LRFN5: variants seen among roughly 807,000 people sequenced by gnomAD.
The protein encoded by LRFN5 is leucine rich repeat and fibronectin type III domain containing 5, also known as leucine-rich repeat and fibronectin type-III domain-containing protein 5.
In LRFN5, 24 loss-of-function variants were observed where a neutral mutation model predicts 45.6. That is an observed-to-expected ratio of 0.53 (90% CI 0.38 to 0.74). LRFN5 has a LOEUF of 0.74. LRFN5 is among the 30% of genes least tolerant of loss of function. The pLI, the probability that LRFN5 is intolerant of heterozygous loss-of-function variation, is 0.00. For missense variants in LRFN5, 776 were observed against 861.5 expected, an observed-to-expected ratio of 0.90 and a Z score of 1.24; for synonymous variants, 340 against 313.8, an observed-to-expected ratio of 1.08 and a Z score of -0.88.
Position 41,874,280 on chromosome 14 carries a change from G to T in LRFN5, c.-20-12326G>T, listed in dbSNP as rs557511988. Among the ~76,000 whole-genome samples the T allele has an allele frequency of 3.3e-5, 5 of 152,232 alleles. No individual in the cohort carries two copies. The South Asian group carries it at 1.0e-3, about 32-fold the overall frequency. On this transcript the variant is annotated intron_variant, in intron 2 of 5. Transcript: ENST00000298119. ...GAACTGGGGCATTAAATTCAGGTTG[G>T]AATCTTAGATACCTAATAATGTTTT...
intron 2 of LRFN5, among the ~76,000 whole-genome samples, chr14:41,813,215 A>AT (rs1231936151): frequency 6.6e-6 from 1 of 152,098 alleles, no homozygotes; most frequent in African/African-American, 2.4e-5. Flanking sequence ...TTTTTATTAC[A>AT]GTTTAAGTTC....
rs556956615 is a variant in LRFN5, at chr14:41,760,744, CAG to C, written c.-196-6109_-196-6108del. On this transcript the variant is annotated intron_variant, in intron 1 of 5. Transcript: ENST00000298119. Reference sequence around the variant, plus strand: ...AGGGATAGAGAGAAGAAAGAGGAAACAGGGAGGGACGGGACACAGAAGAGGGG... The same window carrying C: ...AGGGATAGAGAGAAGAAAGAGGAAACGGAGGGACGGGACACAGAAGAGGGG... Among the ~76,000 whole-genome samples, 88 of 150,854 alleles carry C rather than the reference CAG, an allele frequency of 5.8e-4. 1 individual carries two copies. The highest frequency in any genetic ancestry group is 2.0e-3 in the African/African-American group (81 of 41,064).
chr14:41,813,606 A>G (rs559652895), intron 2 of LRFN5, among the ~76,000 whole-genome samples: 33 of 152,194 alleles, frequency 2.2e-4, no homozygotes, highest in Non-Finnish European at 3.1e-4. Context: ...TGGACATTTA[A>G]GTTGGTTCCA....
chr14:41,772,979 A>G (rs374904868), intron 2 of LRFN5, among the ~76,000 whole-genome samples: 1 of 152,192 alleles, frequency 6.6e-6, no homozygotes, highest in South Asian at 2.1e-4. Context: ...TATTTACAAT[A>G]CCCAGCGATG....
At chr14:41,817,289 CTG>C (rs1001793705) in intron 2 of LRFN5, among the ~76,000 whole-genome samples, 1 of 152,102 alleles carries the variant, frequency 6.6e-6, no homozygotes, top group Non-Finnish European at 1.5e-5. Context: ...GCTGCTTGCT[CTG>C]TCTCTTCATA....
At chr14:41,799,216 A>C (rs898961727) in intron 2 of LRFN5, among the ~76,000 whole-genome samples, 1 of 152,024 alleles carries the variant, frequency 6.6e-6, no homozygotes, top group Non-Finnish European at 1.5e-5. Context: ...ACGTCAGAAT[A>C]TGAAGACCTT....
intron 2 of LRFN5, among the ~76,000 whole-genome samples, chr14:41,819,172 T>C (rs1888026645): frequency 6.6e-6 from 1 of 152,184 alleles, no homozygotes; most frequent in Non-Finnish European, 1.5e-5. Context: ...CTATAGTAAA[T>C]AGTGCTGTGA....
intron 1 of LRFN5, among the ~76,000 whole-genome samples, chr14:41,614,560 T>G (rs1887868935): frequency 6.6e-6 from 1 of 152,084 alleles, no homozygotes. Context: ...TCTATTTTGA[T>G]GTTCTACGCT....
intron 1 of LRFN5, among the ~76,000 whole-genome samples, chr14:41,696,305 A>G (rs773778259): frequency 1.2e-4 from 19 of 152,116 alleles, no homozygotes; most frequent in Non-Finnish European, 1.9e-4. Flanking sequence ...TGTTGAAATG[A>G]CAGTGGATAC....
chr14:41,737,511 G>C (rs568795738), intron 1 of LRFN5, among the ~76,000 whole-genome samples: 2 of 152,196 alleles, frequency 1.3e-5, no homozygotes, highest in East Asian at 3.9e-4. Flanking sequence ...GGGCAGTCGG[G>C]CAAGAGAAAG....
chr14:41,689,509 A>C (rs907924610), intron 1 of LRFN5, among the ~76,000 whole-genome samples: 1 of 152,186 alleles, frequency 6.6e-6, no homozygotes, highest in Non-Finnish European at 1.5e-5. Context: ...GAAATAAATA[A>C]ATTCCTAGAA....
intron 4 of LRFN5, among the ~76,000 whole-genome samples, chr14:41,898,579 TGTGA>T (rs1371963872): frequency 2.6e-5 from 4 of 152,064 alleles, no homozygotes; most frequent in Non-Finnish European, 2.9e-5. Context: ...AAATGTCAAC[TGTGA>T]GTAAGAAAAT....
intron 4 of LRFN5, chr14:41,892,359 A>C (rs1372098627): frequency 1.7e-5 from 17 of 984,710 alleles, no homozygotes; most frequent in African/African-American, 1.7e-5. Flanking sequence ...AGGAAACATA[A>C]ATAAAATGGA....
chr14:41,607,076 T>C lies in LRFN5; in HGVS notation c.-1683T>C, dbSNP rs1181251155. Among the ~76,000 whole-genome samples, 1 of 152,090 alleles carries C rather than the reference T, an allele frequency of 6.6e-6. No individual in the cohort carries two copies. Among genetic ancestry groups the C allele is most frequent in the African/African-American group, 2.4e-5 (1 of 41,426 alleles). ...GCGGTGGCCAGCGGGCGGGGCGCTG[T>C]GTTCCGCGGCGCGCAGGGAGGCGGT... On this transcript the variant is annotated 5_prime_UTR_variant, in exon 1 of 6. Coordinates refer to ENST00000298119, the MANE Select transcript of LRFN5 (RefSeq NM_152447.5).
intron 1 of LRFN5, among the ~76,000 whole-genome samples, chr14:41,725,838 A>G (rs1446880841): frequency 6.6e-6 from 1 of 152,122 alleles, no homozygotes; most frequent in Admixed American, 6.6e-5. Context: ...TTCTGGAGTA[A>G]CCAGTATTTA....
Position 41,896,975 on chromosome 14 carries a change from C to T in LRFN5, c.2099-1942C>T, listed in dbSNP as rs923283757. Among the ~76,000 whole-genome samples the T allele has an allele frequency of 2.6e-5, 4 of 151,828 alleles. No homozygotes were observed. The South Asian group carries it at 8.3e-4, about 32-fold the overall frequency. The stretch of plus-strand genomic sequence containing the variant: ...GGTGTGGTGGCGCGCACCTGTAATA[C>T]CAGCTACTCGGGAGGCTGAGGCAGG... On this transcript the variant is annotated intron_variant, in intron 4 of 5. Transcript: ENST00000298119.
At chr14:41,734,617 A>G (rs1188516831) in intron 1 of LRFN5, among the ~76,000 whole-genome samples, 3 of 150,652 alleles carry the variant, frequency 2.0e-5, no homozygotes, top group African/African-American at 7.3e-5. Flanking sequence ...TAATCCACTC[A>G]GCCTCTTTAT....
At chr14:41,802,731 G>A (rs1197600768) in intron 2 of LRFN5, among the ~76,000 whole-genome samples, 2 of 152,004 alleles carry the variant, frequency 1.3e-5, no homozygotes, top group Non-Finnish European at 2.9e-5. Flanking sequence ...ACATTCATAG[G>A]CAGGATTTTT....
intron 2 of LRFN5, among the ~76,000 whole-genome samples, chr14:41,870,810 A>G (rs2139117677): frequency 6.6e-6 from 1 of 152,346 alleles, no homozygotes; most frequent in African/African-American, 2.4e-5. Context: ...GAATAAGATT[A>G]CACAAAAGTG....
Sources: gnomAD v4.1 joint callset for allele counts (sites outside exome capture counted in the v4.1 genomes callset) on GRCh38, gnomAD v4.1.1 for gene constraint, MANE v1.5 for transcripts, NCBI Gene and HGNC (gene_info 2026-07-23, HGNC 2026-07-21) for gene names.